Variants in PIGQ observed in about 807,000 individuals in gnomAD.
The protein encoded by PIGQ is phosphatidylinositol N-acetylglucosaminyltransferase subunit Q.
Under a neutral mutation model 60.3 loss-of-function variants are expected in PIGQ, and 54 were observed. The observed-to-expected ratio is 0.90, with a 90% CI of 0.72 to 1.12. The LOEUF is 1.12. Among genes scored for constraint, PIGQ ranks in the 50% most tolerant of loss-of-function variants. The probability of loss-of-function intolerance (pLI) is 0.00; values close to 1 mark genes in which losing one functional copy is unlikely to be tolerated. For synonymous variants in PIGQ, 416 were observed against 363.7 expected (o/e 1.14, Z -1.64); for missense variants, 799 against 793.5 (o/e 1.01, Z -0.08).
Position 583,676 on chromosome 16 carries a change from G to A in PIGQ, c.*641G>A, listed in dbSNP as rs1199805583. 2 of 1,608,160 alleles carry A rather than the reference G, an allele frequency of 1.2e-6. No homozygotes were observed. Among genetic ancestry groups the A allele is most frequent in the East Asian group, 2.2e-5 (1 of 44,874 alleles). Reference sequence around the variant, plus strand: ...CTGTGAGCATCGCCAGGCTGCTGTGGGGGCGGGAGCAGCCTCAGTGTCAAG... The same window carrying A: ...CTGTGAGCATCGCCAGGCTGCTGTGAGGGCGGGAGCAGCCTCAGTGTCAAG... On this transcript the variant is annotated 3_prime_UTR_variant, in exon 11 of 11. Coordinates refer to ENST00000321878, the MANE Select transcript of PIGQ (RefSeq NM_004204.5).
chr16:573,946 T>G lies in PIGQ; in HGVS notation c.-9-120T>G, dbSNP rs527868367. ...CGGCGTCCACCACCGAACTTGAAGC[T>G]GAGGTGCCCCGACCTGGGGCCCTGT... On this transcript the variant is annotated intron_variant, in intron 1 of 10. Transcript: ENST00000321878. 7.1e-5 allele frequency: 48 copies of G among 672,256 alleles called. No individual in the cohort carries two copies. In the African/African-American group the frequency reaches 7.8e-4, roughly 11 times the overall value. The allele number at this position is 672,256 out of a possible 1,614,324, so 41.6% of individuals were successfully genotyped here.
intron 4 of PIGQ, 126 bp downstream of exon 4, chr16:576,380 A>G: frequency 8.6e-7 from 1 of 1,158,364 alleles, no homozygotes; most frequent in Non-Finnish European, 1.2e-6. Flanking sequence ...TGCTCTGGAG[A>G]CACGGCCCTC....
chr16:581,086 G>A (rs534073899), intron 9 of PIGQ, 114 bp downstream of exon 9: 3 of 1,360,214 alleles, frequency 2.2e-6, no homozygotes, highest in Admixed American at 1.8e-5. Flanking sequence ...TGGAAGCCGT[G>A]GTATGCATGC....
rs2035831111 is a variant in PIGQ at position 582,587 on chromosome 16, T to C, written c.1593+278T>C. ...TGCCCTGGGCCCCACAGGGCTCAAG[T>C]TCTGGGTGGAACAGAACCGACTGAG... On this transcript the variant is annotated intron_variant, in intron 10 of 10. Coordinates refer to ENST00000321878, the MANE Select transcript of PIGQ (RefSeq NM_004204.5). 3 of 567,310 alleles carry C rather than the reference T, an allele frequency of 5.3e-6. No individual in the cohort carries two copies. In the African/African-American group the frequency reaches 5.6e-5, roughly 11 times the overall value. The allele number at this position is 567,310 out of a possible 1,614,324, so 35.1% of individuals were successfully genotyped here. A position where few individuals can be genotyped will look rare whatever the true frequency, so the allele number is the denominator to read the frequency against.
intron 1 of PIGQ, among the ~76,000 whole-genome samples, chr16:572,763 C>T (rs1218487392): frequency 6.6e-6 from 1 of 152,004 alleles, no homozygotes; most frequent in African/African-American, 2.4e-5. Flanking sequence ...CTCCAGGCGT[C>T]CCGCTCTGTT....
intron 4 of PIGQ, 75 bp downstream of exon 4, chr16:576,329 G>A (rs1217756708): frequency 4.8e-6 from 7 of 1,471,410 alleles, no homozygotes; most frequent in African/African-American, 4.2e-5. Context: ...GCCTTCCCGG[G>A]CCAGAGCCAC....
In PIGQ at chr16:576,140, C is replaced by G. The variant is rs1416962878; in HGVS notation, c.828C>G (p.Ala276=). ...GGCCGGACCTCCCTTCCAGGAAGGC[C>G]AACACGGTGGCCTCTGTGCTGCTGG... ...AENPAQLMRK[A]NTVASVLLDV... Residue 276 remains alanine (A), a synonymous_variant, in exon 4 of 11, where the codon GCC becomes GCG. Coordinates refer to ENST00000321878, the MANE Select transcript of PIGQ (RefSeq NM_004204.5). 1.4e-5 allele frequency: 21 copies of G among 1,548,500 alleles called. No individual in the cohort carries two copies. Among genetic ancestry groups the G allele is most frequent in the Non-Finnish European group, 1.8e-5 (21 of 1,146,802 alleles).
chr16:583,152 C>G lies in PIGQ; in HGVS notation c.*117C>G, dbSNP rs139256741. ...TGCTTTGTGGACGCTGCTGTGTGCT[C>G]CTGAACACGGCAGGCCCTGCTATCA... On this transcript the variant is annotated 3_prime_UTR_variant, in exon 11 of 11. Coordinates refer to ENST00000321878, the MANE Select transcript of PIGQ (RefSeq NM_004204.5). 1.3e-3 allele frequency: 2,017 copies of G among 1,613,184 alleles called. 2 individuals are homozygous for G. The highest frequency in any genetic ancestry group is 1.6e-3 in the Non-Finnish European group (1,941 of 1,179,980).
At chr16:576,678 CCCTGTGCTGATTCTGTAACT>C (rs2035725136) in intron 4 of PIGQ, 1 of 435,258 alleles carries the variant, frequency 2.3e-6, no homozygotes, top group Non-Finnish European at 4.0e-6. Context: ...CCTGCCCTGC[CCCTGTGCTGATTCTGTAACT>C]CCTGTGCTGA....
In PIGQ at chr16:582,316, C is replaced by T. The variant is rs559115352; in HGVS notation, c.1593+7C>T. 2.6e-5 allele frequency: 41 copies of T among 1,588,682 alleles called. No homozygotes were observed. In the South Asian group the frequency reaches 4.3e-4, roughly 17 times the overall value. On this transcript the variant is annotated splice_region_variant and intron_variant, in intron 10 of 10. Transcript: ENST00000321878. Reference sequence around the variant, plus strand: ...CCTCCGCCTCCTGATGCAGGTGAGGCCCCTTGTGGCCAGGACGCCCCTACG... The same window carrying T: ...CCTCCGCCTCCTGATGCAGGTGAGGTCCCTTGTGGCCAGGACGCCCCTACG...
chr16:575,881 C>T lies in PIGQ; in HGVS notation c.732C>T (p.Leu244=), dbSNP rs2151045330. ...LWPLSFLGSK[L]STCEQLRHRL... is the part of the protein sequence containing the mutation. ...CCCTGTCCTTCCTCGGGAGCAAACT[C>T]TCCACGTGCGAACAGCTCCGGCACC... Residue 244 remains leucine, a synonymous_variant, in exon 3 of 11, where the codon CTC becomes CTT. Transcript: ENST00000321878. The T allele has an allele frequency of 6.4e-7, 1 of 1,574,076 alleles. No individual in the cohort carries two copies. The highest frequency in any genetic ancestry group is 1.2e-5 in the South Asian group (1 of 86,102).
chr16:583,292 T>G lies in PIGQ; in HGVS notation c.*257T>G, dbSNP rs1426983263. The G allele has an allele frequency of 1.9e-6, 3 of 1,612,828 alleles. No homozygotes were observed. The highest frequency in any genetic ancestry group is 1.7e-6 in the Non-Finnish European group (2 of 1,179,956). On this transcript the variant is annotated 3_prime_UTR_variant, in exon 11 of 11. Coordinates refer to ENST00000321878, the MANE Select transcript of PIGQ (RefSeq NM_004204.5). ...GGGACCCGCTTCCCACCTGCTGCGG[T>G]CACCATGGTGGCGAGCACAGCAACC...
At chr16:582,041 C>A (rs1364768110) in intron 9 of PIGQ, 3 of 652,902 alleles carry the variant, frequency 4.6e-6, no homozygotes, top group African/African-American at 3.6e-5. Flanking sequence ...CAGGCGTGAG[C>A]CACCGTGCCT....
chr16:576,231 G>A lies in PIGQ; in HGVS notation c.919G>A (p.Asp307Asn), dbSNP rs377584601. ...GAGAAGCCGCATCGGGCATCTGGCC[G>A]ACGCCCTCGTTCCTGTGGCTGACGT... ...HGRSRIGHLADALVPVADHVA... is the reference protein window; with the variant it reads ...HGRSRIGHLANALVPVADHVA... The change falls in exon 4 of 11, where the codon GAC becomes AAC. Residue 307 changes from aspartate to asparagine, a missense_variant. Coordinates refer to ENST00000321878, the MANE Select transcript of PIGQ (RefSeq NM_004204.5). 8.1e-5 allele frequency: 126 copies of A among 1,552,984 alleles called. No homozygotes were observed. Among genetic ancestry groups the A allele is most frequent in the Admixed American group, 1.9e-4 (10 of 51,448 alleles).
intron 1 of PIGQ, among the ~76,000 whole-genome samples, chr16:571,687 TCTG>T (rs1462725161): frequency 6.6e-6 from 1 of 151,794 alleles, no homozygotes; most frequent in East Asian, 1.9e-4. Flanking sequence ...CCATACCTCC[TCTG>T]CTATCGATCG....
At chr16:571,370 G>T (rs2035622242) in intron 1 of PIGQ, among the ~76,000 whole-genome samples, 1 of 123,214 alleles carries the variant, frequency 8.1e-6, no homozygotes, top group Admixed American at 8.7e-5. Context: ...GGCTAGCCTG[G>T]GACCCGTGGC....
Position 578,911 on chromosome 16 carries a change from TC to T in PIGQ, c.1197del (p.Tyr400ThrfsTer13). On this transcript the variant is annotated frameshift_variant, in exon 6 of 11. Coordinates refer to ENST00000321878, the MANE Select transcript of PIGQ (RefSeq NM_004204.5). LOFTEE classifies it high-confidence loss of function. ...SDIIALLTFHIYCFYVYGARL... is the reference protein window; with the variant it reads ...SDIIALLTFHXYCFYVYGARL... ...ATTATCGCCCTCCTCACCTTCCACA[TC>T]TACTGCTTTTACGTCTATGGAGCCA... 6.2e-7 allele frequency: 1 copy of T among 1,612,692 alleles called. No individual in the cohort carries two copies. Among genetic ancestry groups the T allele is most frequent in the Non-Finnish European group, 8.5e-7 (1 of 1,179,842 alleles).
intron 9 of PIGQ, chr16:581,314 T>C: frequency 7.8e-7 from 1 of 1,274,856 alleles, no homozygotes; most frequent in Non-Finnish European, 1.0e-6. Flanking sequence ...TCAGAGGCAC[T>C]AGGAGCCAGC....
intron 8 of PIGQ, 124 bp downstream of exon 8, chr16:580,387 T>G: frequency 1.4e-6 from 1 of 707,772 alleles, no homozygotes; most frequent in Non-Finnish European, 2.4e-6. Flanking sequence ...GGGTGGCCTT[T>G]CAGGACCCTC....
Sources: allele counts gnomAD v4.1 joint callset (sites outside exome capture counted in the v4.1 genomes callset), GRCh38; gene constraint gnomAD v4.1.1; transcripts MANE v1.5; gene names NCBI Gene and HGNC (gene_info 2026-07-23, HGNC 2026-07-21).